ACOXL: variants seen among roughly 807,000 people sequenced by gnomAD.
The protein encoded by ACOXL is acyl-coenzyme A oxidase-like protein.
A neutral mutation model predicts 71.9 loss-of-function variants in ACOXL; 70 were observed. That is an observed-to-expected ratio of 0.97 (90% CI 0.80 to 1.19). The LOEUF is 1.19. ACOXL is among the 50% of genes most tolerant of loss of function. The pLI is 0.00. For missense variants in ACOXL, 703 were observed against 736.3 expected, an observed-to-expected ratio of 0.95 and a Z score of 0.52; for synonymous variants, 253 against 281.6, an observed-to-expected ratio of 0.90 and a Z score of 1.02.
intron 2 of ACOXL, among the ~76,000 whole-genome samples, chr2:110,771,142 A>G (rs920829114): frequency 2.6e-5 from 4 of 152,124 alleles, no homozygotes; most frequent in African/African-American, 9.7e-5. Context: ...GTATGAATTC[A>G]CAAAAGCCAA....
At chr2:111,052,517 C>G (rs1040031606) in intron 16 of ACOXL, among the ~76,000 whole-genome samples, 1 of 152,064 alleles carries the variant, frequency 6.6e-6, no homozygotes, top group Admixed American at 6.5e-5. Context: ...CCCTGCAGAC[C>G]CGAGAAGGGG....
At chr2:111,108,371 C>CTTTTT (rs1225889982) in intron 17 of ACOXL, among the ~76,000 whole-genome samples, 7,993 of 70,882 alleles carry the variant, frequency 0.11, 1,593 homozygotes, top group African/African-American at 0.16. Context: ...GTGCATGAAT[C>CTTTTT]TTTTTTTTTT....
chr2:111,069,145 CTT>C (rs1234410019), intron 16 of ACOXL, among the ~76,000 whole-genome samples: 9 of 135,298 alleles, frequency 6.7e-5, no homozygotes, highest in Non-Finnish European at 9.6e-5. Flanking sequence ...TCTTCTTTTT[CTT>C]TTTTTTTTTT....
chr2:111,080,669 A>T (rs1160320991), intron 16 of ACOXL, among the ~76,000 whole-genome samples: 1 of 152,214 alleles, frequency 6.6e-6, no homozygotes, highest in Non-Finnish European at 1.5e-5. Context: ...AACTCATTTT[A>T]TGAGGCCAGC....
chr2:111,108,432 G>C (rs139797710), intron 17 of ACOXL, among the ~76,000 whole-genome samples: 179 of 130,812 alleles, frequency 1.4e-3, no homozygotes, highest in African/African-American at 5.2e-3. Flanking sequence ...AGGCTGGAGT[G>C]CAATGGCACA....
intron 9 of ACOXL, among the ~76,000 whole-genome samples, chr2:110,832,698 T>C (rs1689993226): frequency 6.6e-6 from 1 of 152,172 alleles, no homozygotes. Context: ...GACTAGTATG[T>C]AGAATATGTT....
At chr2:111,021,039 C>G (rs562053437) in intron 14 of ACOXL, among the ~76,000 whole-genome samples, 1 of 152,260 alleles carries the variant, frequency 6.6e-6, no homozygotes, top group Admixed American at 6.5e-5. Flanking sequence ...AGCCTTGCAC[C>G]TCAGGGGCAC....
At chr2:110,988,900 T>C (rs2149560030) in intron 13 of ACOXL, among the ~76,000 whole-genome samples, 1 of 151,854 alleles carries the variant, frequency 6.6e-6, no homozygotes, top group South Asian at 2.1e-4. Context: ...TGTGTCTTGT[T>C]CTTATTGATT....
At chr2:110,797,231 C>T (rs548322203) in intron 5 of ACOXL, among the ~76,000 whole-genome samples, 2 of 152,300 alleles carry the variant, frequency 1.3e-5, no homozygotes, top group South Asian at 4.1e-4. Context: ...GAGAACAAAA[C>T]CCCTGCGTTT....
At chr2:110,970,296 C>G (rs1235127249) in intron 12 of ACOXL, among the ~76,000 whole-genome samples, 1 of 152,152 alleles carries the variant, frequency 6.6e-6, no homozygotes, top group Non-Finnish European at 1.5e-5. Flanking sequence ...ACATGGCAAC[C>G]TAGTGGAATT....
At position 111,117,736 on chromosome 2, in the gene ACOXL, G is replaced by A; in HGVS notation, c.1663G>A (p.Ala555Thr). The A allele has an allele frequency of 1.3e-6, 2 of 1,551,650 alleles. No individual in the cohort carries two copies. Among genetic ancestry groups the A allele is most frequent in the Middle Eastern group, 1.7e-4 (1 of 5,992 alleles). Residue 555 changes from alanine to threonine, a missense_variant, in exon 18 of 18, where the codon GCT becomes ACT. By Grantham distance (58) the Ala-to-Thr change is moderately conservative. Transcript: ENST00000439055. ...AGISNPRAAW[A>T]FYPAPLQPRP... ...AATCTCCAACCCGCGGGCCGCGTGG[G>A]CTTTCTACCCTGCACCGCTGCAGCC...
chr2:111,076,277 T>C (rs577231404), intron 16 of ACOXL, among the ~76,000 whole-genome samples: 1 of 152,326 alleles, frequency 6.6e-6, no homozygotes, highest in Non-Finnish European at 1.5e-5. Context: ...TTTAAAGCAT[T>C]GTGTGTGCAT....
At chr2:110,948,649 T>G (rs867046) in intron 12 of ACOXL, among the ~76,000 whole-genome samples, 15,410 of 138,452 alleles carry the variant, frequency 0.11, 1,007 homozygotes, top group East Asian at 0.24. Flanking sequence ...GGATTGTGAA[T>G]GTAGACAGCT....
At chr2:111,101,006 A>T (rs2069117803) in intron 17 of ACOXL, 1 of 152,656 alleles carries the variant, frequency 6.6e-6, no homozygotes, top group African/African-American at 2.4e-5. Context: ...AAGCCTGTTG[A>T]TTGATGAGTC....
chr2:110,764,373 C>T (rs1420216762), intron 1 of ACOXL, among the ~76,000 whole-genome samples: 1 of 151,992 alleles, frequency 6.6e-6, no homozygotes, highest in African/African-American at 2.4e-5. Flanking sequence ...CACATGGAGA[C>T]TTAAAGGTAT....
At chr2:110,919,412 G>C (rs189044126) in intron 11 of ACOXL, among the ~76,000 whole-genome samples, 4 of 151,440 alleles carry the variant, frequency 2.6e-5, no homozygotes, top group African/African-American at 9.7e-5. Flanking sequence ...GTTAGGGGGT[G>C]GGGGGGCAAG....
chr2:110,884,013 G>T (rs12470872), intron 10 of ACOXL, among the ~76,000 whole-genome samples: 48,984 of 152,040 alleles, frequency 0.32, 8,149 homozygotes, highest in Middle Eastern at 0.39. Context: ...AATAGGCACT[G>T]TAGAGGAGGC....
At chr2:110,939,064 A>G (rs1178255083) in intron 12 of ACOXL, among the ~76,000 whole-genome samples, 1 of 152,200 alleles carries the variant, frequency 6.6e-6, no homozygotes, top group Admixed American at 6.5e-5. Flanking sequence ...AAATTATTGT[A>G]AAATTTACCA....
At chr2:110,785,762 A>G (rs750272195) in intron 3 of ACOXL, among the ~76,000 whole-genome samples, 4 of 152,104 alleles carry the variant, frequency 2.6e-5, no homozygotes, top group Non-Finnish European at 4.4e-5. Flanking sequence ...ACATGGGTAA[A>G]ATCTTCCCTT....
Sources: gnomAD v4.1 joint callset for allele counts (sites outside exome capture counted in the v4.1 genomes callset) on GRCh38, gnomAD v4.1.1 for gene constraint, MANE v1.5 for transcripts, NCBI Gene and HGNC (gene_info 2026-07-23, HGNC 2026-07-21) for gene names.